TTF1: variants seen among roughly 807,000 people sequenced by gnomAD.
TTF1 encodes transcription termination factor, RNA polymerase I.
In TTF1, 64 loss-of-function variants were observed where a neutral mutation model predicts 80.2. That is an observed-to-expected ratio of 0.80 (90% CI 0.65 to 0.98). The LOEUF is 0.98. Among genes scored for constraint, TTF1 ranks in the 50% least tolerant of loss-of-function variants. The pLI is 0.00. For synonymous variants in TTF1, 372 were observed against 382.7 expected (o/e 0.97, Z 0.33); for missense variants, 1,023 against 1,086.2 (o/e 0.94, Z 0.82).
At chr9:132,378,177 AATGCATGTGGTGTGAGTGCATGTGC>A (rs1849274143) in intron 10 of TTF1, among the ~76,000 whole-genome samples, 1 of 95,912 alleles carries the variant, frequency 1.0e-5, no homozygotes, top group African/African-American at 4.2e-5. Context: ...GGTGTGTGTG[AATGCATGTGGTGTGAGTGCATGTGC>A]GTGTGAATGC....
chr9:132,377,658 T>TGTGAGTGCATGTG (rs1849239913), intron 10 of TTF1, among the ~76,000 whole-genome samples: 3 of 127,972 alleles, frequency 2.3e-5, no homozygotes, highest in South Asian at 2.6e-4. Context: ...ATGTGGTGTG[T>TGTGAGTGCATGTG]GTGAGTGCAT....
rs139778644 is a variant in TTF1 at position 132,402,125 on chromosome 9, T to C, written c.697A>G (p.Thr233Ala). 6.2e-7 allele frequency: 1 copy of C among 1,613,760 alleles called. No homozygotes were observed. The highest frequency in any genetic ancestry group is 8.5e-7 in the Non-Finnish European group (1 of 1,179,980). ...TGCGATCCTTCAGGCATGGCCAGTG[T>C]CTCATATTCCCGGTTACTGGACTTT... ...KKKSSNREYE[T>A]LAMPEGSQAG... is the part of the protein sequence containing the mutation. Residue 233 changes from threonine to alanine, a missense_variant, in exon 2 of 11, where the codon ACA (threonine) becomes GCA (alanine). By Grantham distance (58) the Thr-to-Ala change is moderately conservative. Transcript: ENST00000334270.
intron 1 of TTF1, 77 bp downstream of exon 1, chr9:132,406,713 G>A (rs1172756428): frequency 6.6e-6 from 1 of 152,062 alleles, no homozygotes; most frequent in African/African-American, 2.4e-5. Context: ...CAGAAGACGG[G>A]GAAACCCACC....
chr9:132,379,037 T>C (rs1419593783), intron 10 of TTF1, 22 bp downstream of exon 10: 6 of 1,567,128 alleles, frequency 3.8e-6, no homozygotes, highest in African/African-American at 2.7e-5. Flanking sequence ...TTCTTAGCCA[T>C]ATAAATATTA....
intron 10 of TTF1, among the ~76,000 whole-genome samples, chr9:132,378,071 TG>T (rs1445718458): frequency 4.8e-4 from 42 of 88,262 alleles, no homozygotes; most frequent in East Asian, 1.1e-3. Context: ...TGAGTGCATG[TG>T]GTGTGTGTGA....
intron 9 of TTF1, among the ~76,000 whole-genome samples, chr9:132,380,873 C>A (rs567442531): frequency 1.4e-3 from 210 of 152,166 alleles, no homozygotes; most frequent in African/African-American, 4.6e-3. Context: ...TCATCAGTTA[C>A]CCCCTACCTG....
intron 10 of TTF1, among the ~76,000 whole-genome samples, chr9:132,377,794 G>C (rs1350256852): frequency 1.4e-5 from 2 of 142,274 alleles, no homozygotes; most frequent in Non-Finnish European, 3.0e-5. Flanking sequence ...TGCATGTGGT[G>C]TGTGTGCATG....
intron 10 of TTF1, among the ~76,000 whole-genome samples, chr9:132,377,378 G>C (rs1283548074): frequency 7.2e-6 from 1 of 138,034 alleles, no homozygotes; most frequent in Non-Finnish European, 1.5e-5. Context: ...CATGTGGTGT[G>C]TGTGAGTGCA....
chr9:132,395,228 A>G (rs1248665202), intron 5 of TTF1, among the ~76,000 whole-genome samples: 2 of 152,074 alleles, frequency 1.3e-5, no homozygotes, highest in African/African-American at 4.8e-5. Context: ...CAACAACAAA[A>G]ATTAAAAATT....
In TTF1 at chr9:132,401,726, C is replaced by T. The variant is rs1849766338; in HGVS notation, c.1096G>A (p.Glu366Lys). The T allele has an allele frequency of 1.2e-6, 2 of 1,614,250 alleles. No individual in the cohort carries two copies. Among genetic ancestry groups the T allele is most frequent in the Non-Finnish European group, 1.7e-6 (2 of 1,180,044 alleles). Residue 366 changes from glutamate (E) to lysine (K), a missense_variant, in exon 2 of 11, where the codon GAG becomes AAG. Physicochemically the swap from Glu to Lys is moderately conservative, Grantham distance 56. Coordinates refer to ENST00000334270, the MANE Select transcript of TTF1 (RefSeq NM_007344.4). ...AYPEGSQVGS[E>K]VGTVEGSTAL... is the part of the protein sequence containing the mutation. ...GTACTGCCTTCCACAGTCCCAACCT[C>T]ACTGCCCACCTGTGATCCTTCAGGG... is the stretch of plus-strand genomic sequence containing the variant.
At chr9:132,392,901 G>A (rs984068719) in intron 5 of TTF1, among the ~76,000 whole-genome samples, 2 of 152,028 alleles carry the variant, frequency 1.3e-5, no homozygotes, top group African/African-American at 4.8e-5. Flanking sequence ...ATTTCAACAC[G>A]TCATCAGTAT....
chr9:132,381,401 G>A (rs753130019), intron 9 of TTF1, among the ~76,000 whole-genome samples: 2 of 152,180 alleles, frequency 1.3e-5, no homozygotes, highest in Non-Finnish European at 2.9e-5. Context: ...TGTTGGGCAG[G>A]TTGGTCTCAA....
chr9:132,405,925 C>T (rs984863855), intron 1 of TTF1, among the ~76,000 whole-genome samples: 2 of 152,200 alleles, frequency 1.3e-5, no homozygotes, highest in Admixed American at 1.3e-4. Context: ...AGTATGAAAG[C>T]CACTTTCTCA....
chr9:132,401,461 G>GC lies in TTF1; in HGVS notation c.1360dup (p.Ala454GlyfsTer9). On this transcript the variant is annotated frameshift_variant, in exon 2 of 11. Transcript: ENST00000334270. LOFTEE classifies it high-confidence loss of function. Reference sequence around the variant, plus strand: ...AATACCACTCCCTCGTTACCTTGGCGCCTCTTGCACGTGCTTGCTTGCCAA... The same window carrying GC: ...AATACCACTCCCTCGTTACCTTGGCGCCCTCTTGCACGTGCTTGCTTGCCAA... The GC allele has an allele frequency of 6.2e-7, 1 of 1,605,592 alleles. No homozygotes were observed. Among genetic ancestry groups the GC allele is most frequent in the Non-Finnish European group, 8.5e-7 (1 of 1,175,262 alleles).
At chr9:132,381,546 G>A (rs1476446789) in intron 9 of TTF1, among the ~76,000 whole-genome samples, 1 of 152,180 alleles carries the variant, frequency 6.6e-6, no homozygotes, top group Non-Finnish European at 1.5e-5. Flanking sequence ...GTCAATGTAA[G>A]TCGTTCTCAA....
intron 10 of TTF1, among the ~76,000 whole-genome samples, chr9:132,377,409 T>G (rs1382347307): frequency 1.3e-4 from 9 of 67,884 alleles, no homozygotes; most frequent in Non-Finnish European, 1.9e-4. Flanking sequence ...GTGCATGTGG[T>G]GTGTGTGAGT....
intron 1 of TTF1, among the ~76,000 whole-genome samples, 168 bp downstream of exon 1, chr9:132,406,619 AAAC>A (rs1218552838): frequency 0.01 from 1,559 of 151,154 alleles, 32 homozygotes; most frequent in African/African-American, 0.036. Flanking sequence ...AAAAAAAAAA[AAAC>A]ACCCAAGCCT....
intron 5 of TTF1, among the ~76,000 whole-genome samples, chr9:132,395,160 C>T (rs144941053): frequency 0.059 from 8,983 of 152,042 alleles, 375 homozygotes; most frequent in Non-Finnish European, 0.085. Context: ...CCATTGCACT[C>T]CAGCCTGGGC....
At position 132,401,460 on chromosome 9, in the gene TTF1, C is replaced by T. The variant is rs61741946; in HGVS notation, c.1362G>A (p.Ala454=). 33 of 1,605,236 alleles carry T rather than the reference C, an allele frequency of 2.1e-5. No homozygotes were observed. Among genetic ancestry groups the T allele is most frequent in the Admixed American group, 6.8e-5 (4 of 58,654 alleles). ...GAATACCACTCCCTCGTTACCTTGG[C>T]GCCTCTTGCACGTGCTTGCTTGCCA... The part of the protein sequence containing the change: ...ACLASKHVQE[A]PRLEPANEEH... The change falls in exon 2 of 11, where the codon GCG becomes GCA. Residue 454 remains alanine, a synonymous_variant. Coordinates refer to ENST00000334270, the MANE Select transcript of TTF1 (RefSeq NM_007344.4).
Sources: allele counts gnomAD v4.1 joint callset (sites outside exome capture counted in the v4.1 genomes callset), GRCh38; gene constraint gnomAD v4.1.1; transcripts MANE v1.5; gene names NCBI Gene and HGNC (gene_info 2026-07-23, HGNC 2026-07-21).